Variants in TSC22D3 observed in about 807,000 individuals in gnomAD.
TSC22D3 encodes TSC22 domain family member 3.
A neutral mutation model predicts 11.1 loss-of-function variants in TSC22D3; 4 were observed. That is an observed-to-expected ratio of 0.36 (90% CI 0.18 to 0.83). TSC22D3 has a LOEUF of 0.83. Ranked by LOEUF, TSC22D3 falls within the 40% of genes least tolerant of loss-of-function variation. The pLI, the probability that TSC22D3 is intolerant of heterozygous loss-of-function variation, is 0.48. For missense variants in TSC22D3, 118 were observed against 159.4 expected (o/e 0.74, Z 1.40); for synonymous variants, 77 against 70.3 (o/e 1.10, Z -0.48).
In TSC22D3 at chrX:107,742,281, A is replaced by AAGAGAG. The variant is rs764889060; in HGVS notation, c.321-26337_321-26332dup. 1.8e-3 allele frequency among the ~76,000 whole-genome samples: 101 copies of AAGAGAG among 56,806 alleles called. No homozygotes were observed. The East Asian group carries it at 0.028, about 16-fold the overall frequency. The allele number at this position is 56,806 out of a possible 115,157, so 49.3% of individuals were successfully genotyped here. A position where few individuals can be genotyped will look rare whatever the true frequency, so the allele number is the denominator to read the frequency against. ...TATTTGAGAGAGAGAGAGAGAGAGA[A>AAGAGAG]AGAGAGAGAGAGAGAGAGAGAGAGA... On this transcript the variant is annotated intron_variant, in intron 1 of 2. Coordinates refer to ENST00000372383, the MANE Select transcript of TSC22D3 (RefSeq NM_198057.3).
At chrX:107,742,278 AGAAAGAGAGAG>A (rs1928439802) in intron 1 of TSC22D3, among the ~76,000 whole-genome samples, 2 of 64,211 alleles carry the variant, frequency 3.1e-5, no homozygotes, top group African/African-American at 7.2e-5. Context: ...AGAGAGAGAG[AGAAAGAGAGAG>A]AGAGAGAGAG....
chrX:107,775,667 T>G lies in TSC22D3; in HGVS notation c.-248A>C. On this transcript the variant is annotated 5_prime_UTR_variant, in exon 1 of 3. Coordinates refer to ENST00000372383, the MANE Select transcript of TSC22D3 (RefSeq NM_198057.3). ...GATCCTTCGGGCTCACTTCCTCCTC[T>G]TCCTCCTTCTCCTCCCCCTCCTCTT... The G allele has an allele frequency of 7.6e-6, 2 of 261,527 alleles. No individual in the cohort carries two copies. The highest frequency in any genetic ancestry group is 6.9e-5 in the East Asian group (1 of 14,426). The allele number at this position is 261,527 out of a possible 1,213,427, so 21.6% of individuals were successfully genotyped here. A position where few individuals can be genotyped will look rare whatever the true frequency, so the allele number is the denominator to read the frequency against.
At chrX:107,751,177 G>A (rs7884648) in intron 1 of TSC22D3, among the ~76,000 whole-genome samples, 1,947 of 112,340 alleles carry the variant, frequency 0.017, 41 homozygotes, top group African/African-American at 0.059. Flanking sequence ...GGAAACAAGA[G>A]CATTTGGAAT....
chrX:107,751,763 C>A (rs932604270), intron 1 of TSC22D3, among the ~76,000 whole-genome samples: 1 of 111,954 alleles, frequency 8.9e-6, no homozygotes, highest in African/African-American at 3.2e-5. Context: ...TTAAGTCAAC[C>A]AGATTTTCAG....
At chrX:107,739,730 G>A (rs1190824601) in intron 1 of TSC22D3, among the ~76,000 whole-genome samples, 2 of 112,573 alleles carry the variant, frequency 1.8e-5, no homozygotes, top group Non-Finnish European at 3.8e-5. Flanking sequence ...ACAAAATCAG[G>A]GATAATGGGT....
intron 1 of TSC22D3, among the ~76,000 whole-genome samples, chrX:107,744,470 G>A (rs1234877595): frequency 9.1e-6 from 1 of 109,881 alleles, no homozygotes; most frequent in African/African-American, 3.3e-5. Flanking sequence ...GATACAGTGA[G>A]ACTCCGTTTC....
chrX:107,760,378 C>A (rs148694020), intron 1 of TSC22D3, among the ~76,000 whole-genome samples: 1,948 of 112,931 alleles, frequency 0.017, 42 homozygotes, highest in African/African-American at 0.059. Flanking sequence ...GGATGGGATG[C>A]TGCACAGCCG....
At chrX:107,745,568 T>C (rs1306423130) in intron 1 of TSC22D3, among the ~76,000 whole-genome samples, 2 of 112,587 alleles carry the variant, frequency 1.8e-5, no homozygotes, top group East Asian at 5.5e-4. Context: ...GTCTCTAGTT[T>C]GTACTTCTCT....
intron 2 of TSC22D3, among the ~76,000 whole-genome samples, chrX:107,714,995 G>T (rs781476803): frequency 1.6e-4 from 18 of 111,909 alleles, no homozygotes; most frequent in Admixed American, 1.3e-3. Context: ...GAACTAGATA[G>T]GTTCTCCCCT....
intron 1 of TSC22D3, chrX:107,717,176 C>T (rs950129453): frequency 9.3e-6 from 6 of 642,730 alleles, no homozygotes; most frequent in Non-Finnish European, 1.1e-5. Flanking sequence ...TAAACCACAT[C>T]CCCTCCCTGA....
chrX:107,760,544 G>C (rs928793761), intron 1 of TSC22D3, among the ~76,000 whole-genome samples: 1 of 112,340 alleles, frequency 8.9e-6, no homozygotes, highest in Non-Finnish European at 1.9e-5. Flanking sequence ...GGGTCAGGCA[G>C]ATGGCTGAGA....
chrX:107,742,087 C>A (rs957382531), intron 1 of TSC22D3, among the ~76,000 whole-genome samples: 1 of 110,291 alleles, frequency 9.1e-6, no homozygotes, highest in Non-Finnish European at 1.9e-5. Flanking sequence ...CCCTCCCCTC[C>A]CAAGGAACCT....
intron 1 of TSC22D3, among the ~76,000 whole-genome samples, chrX:107,732,711 G>T (rs1184078231): frequency 2.7e-5 from 3 of 111,119 alleles, no homozygotes; most frequent in Admixed American, 9.5e-5. Context: ...TATGGAGATA[G>T]TTACCTACTC....
At chrX:107,774,899 A>T in intron 1 of TSC22D3, 1 of 457,705 alleles carries the variant, frequency 2.2e-6, no homozygotes, top group Non-Finnish European at 3.7e-6. Flanking sequence ...GGCAGCTTTC[A>T]GAATAGGGCT....
chrX:107,736,107 TCACCATCCCCTTCTC>T (rs1386022902), intron 1 of TSC22D3, among the ~76,000 whole-genome samples: 5 of 112,063 alleles, frequency 4.5e-5, no homozygotes. Flanking sequence ...CCAGCCACCA[TCACCATCCCCTTCTC>T]CAAGTGTACC....
In TSC22D3 at chrX:107,775,197, C is replaced by T. The variant is rs1405548273; in HGVS notation, c.223G>A (p.Glu75Lys). Residue 75 changes from glutamate to lysine, a missense_variant, in exon 1 of 3, where the codon GAG becomes AAG. Physicochemically the swap from Glu to Lys is moderately conservative, Grantham distance 56. Transcript: ENST00000372383. ...TAGCAGGGGTCCCGCAGCACCGGCTCTAGCGAATCCTGCCGCATTATGCTG... is the reference window on the plus strand; with the variant it reads ...TAGCAGGGGTCCCGCAGCACCGGCTTTAGCGAATCCTGCCGCATTATGCTG... ...LNSIMRQDSL[E>K]PVLRDPCYLI... 2.1e-5 allele frequency: 25 copies of T among 1,210,523 alleles called. No homozygotes were observed. The highest frequency in any genetic ancestry group is 2.5e-5 in the Non-Finnish European group (22 of 895,363).
At chrX:107,729,873 G>A (rs1044548122) in intron 1 of TSC22D3, among the ~76,000 whole-genome samples, 11 of 112,973 alleles carry the variant, frequency 9.7e-5, no homozygotes, top group East Asian at 5.5e-4. Context: ...ATAAGTGGGC[G>A]GAATGCCTCC....
Position 107,742,281 on chromosome X carries a change from A to AAGAGAGAGAGAG in TSC22D3, c.321-26343_321-26332dup, listed in dbSNP as rs764889060. On this transcript the variant is annotated intron_variant, in intron 1 of 2. Transcript: ENST00000372383. ...TATTTGAGAGAGAGAGAGAGAGAGA[A>AAGAGAGAGAGAG]AGAGAGAGAGAGAGAGAGAGAGAGA... Among the ~76,000 whole-genome samples the AAGAGAGAGAGAG allele has an allele frequency of 1.1e-3, 65 of 56,815 alleles. 2 individuals are homozygous for AAGAGAGAGAGAG. The highest frequency in any genetic ancestry group is 4.9e-3 in the African/African-American group (62 of 12,596). The allele number at this position is 56,815 out of a possible 115,157, so 49.3% of individuals were successfully genotyped here. A position where few individuals can be genotyped will look rare whatever the true frequency, so the allele number is the denominator to read the frequency against.
At chrX:107,746,203 A>G (rs1245052330) in intron 1 of TSC22D3, among the ~76,000 whole-genome samples, 1 of 110,706 alleles carries the variant, frequency 9.0e-6, no homozygotes, top group African/African-American at 3.3e-5. Context: ...GAGAGGGGGC[A>G]CCTCTCTCTG....
Sources: allele counts gnomAD v4.1 joint callset (sites outside exome capture counted in the v4.1 genomes callset), GRCh38; gene constraint gnomAD v4.1.1; transcripts MANE v1.5; gene names NCBI Gene and HGNC (gene_info 2026-07-23, HGNC 2026-07-21).